GPC6: variants seen among roughly 807,000 people sequenced by gnomAD.
The protein encoded by GPC6 is glypican 6.
A neutral mutation model predicts 55.2 loss-of-function variants in GPC6; 14 were observed. The observed-to-expected ratio is 0.25, with a 90% confidence interval of 0.17 to 0.40. GPC6 has a LOEUF of 0.40. Among genes scored for constraint, GPC6 ranks in the 10% least tolerant of loss-of-function variants. The pLI is 1.00. For synonymous variants in GPC6, 278 were observed against 259.6 expected (o/e 1.07, Z -0.68); for missense variants, 641 against 708.5 (o/e 0.90, Z 1.08).
chr13:94,037,498 T>TA (rs1326992511), intron 4 of GPC6, among the ~76,000 whole-genome samples: 1 of 151,922 alleles, frequency 6.6e-6, no homozygotes, highest in African/African-American at 2.4e-5. Context: ...ATTATATAAA[T>TA]AAAAAAATAC....
chr13:93,555,589 T>G (rs1347432299), intron 2 of GPC6, among the ~76,000 whole-genome samples: 2 of 152,196 alleles, frequency 1.3e-5, no homozygotes, highest in Admixed American at 1.3e-4. Context: ...TCCAGTGGAT[T>G]TAATGGAACT....
At chr13:94,019,128 A>C (rs535748122) in intron 3 of GPC6, among the ~76,000 whole-genome samples, 1 of 152,234 alleles carries the variant, frequency 6.6e-6, no homozygotes, top group African/African-American at 2.4e-5. Flanking sequence ...AGAGTTTAAG[A>C]AGGATTTTTC....
chr13:93,886,663 C>T (rs996435102), intron 3 of GPC6, among the ~76,000 whole-genome samples: 1 of 151,650 alleles, frequency 6.6e-6, no homozygotes, highest in African/African-American at 2.4e-5. Flanking sequence ...ATGTGACTTT[C>T]GGCCTCTTTT....
At chr13:93,729,481 C>A (rs1317719105) in intron 2 of GPC6, among the ~76,000 whole-genome samples, 1 of 152,086 alleles carries the variant, frequency 6.6e-6, no homozygotes. Flanking sequence ...TCAATGAAAA[C>A]CTCAGTAATT....
At chr13:94,077,767 C>A (rs1399182645) in intron 4 of GPC6, among the ~76,000 whole-genome samples, 1 of 151,618 alleles carries the variant, frequency 6.6e-6, no homozygotes, top group Non-Finnish European at 1.5e-5. Flanking sequence ...TGTAGTATTT[C>A]ATATTTATTG....
chr13:93,301,844 C>T (rs551894724), intron 1 of GPC6, among the ~76,000 whole-genome samples: 2 of 152,048 alleles, frequency 1.3e-5, no homozygotes, highest in African/African-American at 4.8e-5. Flanking sequence ...AACTGGGTTC[C>T]CTTGATGTCT....
chr13:93,397,967 G>A (rs1875924538), intron 1 of GPC6, among the ~76,000 whole-genome samples: 1 of 152,136 alleles, frequency 6.6e-6, no homozygotes, highest in Non-Finnish European at 1.5e-5. Context: ...ATGAAACTAA[G>A]CATTTTTAAT....
chr13:94,396,545 C>G (rs1012247758), intron 7 of GPC6, among the ~76,000 whole-genome samples: 1 of 152,234 alleles, frequency 6.6e-6, no homozygotes, highest in Non-Finnish European at 1.5e-5. Flanking sequence ...CCCAACCAAA[C>G]CTGGCCCCCT....
At chr13:94,188,298 A>T (rs1889268874) in intron 4 of GPC6, among the ~76,000 whole-genome samples, 2 of 152,128 alleles carry the variant, frequency 1.3e-5, no homozygotes, top group Admixed American at 1.3e-4. Flanking sequence ...CCCCTTCTGC[A>T]CCTCTTCCCA....
chr13:93,996,768 G>A (rs17195862), intron 3 of GPC6, among the ~76,000 whole-genome samples: 42,043 of 151,988 alleles, frequency 0.28, 6,828 homozygotes, highest in South Asian at 0.38. Flanking sequence ...GTATGCTTTT[G>A]CTCTTGAAAT....
At chr13:93,243,612 G>C (rs908424266) in intron 1 of GPC6, among the ~76,000 whole-genome samples, 9 of 152,244 alleles carry the variant, frequency 5.9e-5, no homozygotes, top group African/African-American at 2.2e-4. Flanking sequence ...GGGCTCTGTA[G>C]GTCTGTCTTG....
chr13:93,561,779 A>G (rs1250468452), intron 2 of GPC6, among the ~76,000 whole-genome samples: 1 of 152,136 alleles, frequency 6.6e-6, no homozygotes, highest in East Asian at 1.9e-4. Flanking sequence ...TATCCATTCT[A>G]CCGACAGAGA....
intron 3 of GPC6, among the ~76,000 whole-genome samples, chr13:93,911,052 T>C (rs1443673812): frequency 6.6e-6 from 1 of 152,200 alleles, no homozygotes; most frequent in Non-Finnish European, 1.5e-5. Context: ...ATAGAGAGTG[T>C]GAAGATGCTC....
chr13:93,237,932 T>C (rs1876293469), intron 1 of GPC6, among the ~76,000 whole-genome samples: 2 of 152,186 alleles, frequency 1.3e-5, no homozygotes, highest in Admixed American at 6.5e-5. Flanking sequence ...TATGTGTCTA[T>C]TTTTACACTA....
upstream of GPC6, among the ~76,000 whole-genome samples, chr13:93,225,908 G>A (rs1875762364): frequency 6.6e-6 from 1 of 152,104 alleles, no homozygotes; most frequent in Non-Finnish European, 1.5e-5. Flanking sequence ...TTTTGTCTTG[G>A]TTTTCATTAA....
At chr13:93,391,199 T>C (rs1236582624) in intron 1 of GPC6, among the ~76,000 whole-genome samples, 1 of 152,102 alleles carries the variant, frequency 6.6e-6, no homozygotes, top group African/African-American at 2.4e-5. Flanking sequence ...TTTAGAGCCA[T>C]AGGGAATATG....
intron 2 of GPC6, among the ~76,000 whole-genome samples, chr13:93,609,664 C>T (rs1878386661): frequency 6.6e-6 from 1 of 152,168 alleles, no homozygotes; most frequent in Admixed American, 6.5e-5. Flanking sequence ...CTTGTGTCCC[C>T]ACCCTGCTTA....
intron 1 of GPC6, among the ~76,000 whole-genome samples, chr13:93,532,148 A>G (rs1343791862): frequency 1.3e-5 from 2 of 152,236 alleles, no homozygotes; most frequent in African/African-American, 4.8e-5. Flanking sequence ...TTTGCATAAT[A>G]GAATCAAAAT....
chr13:94,133,288 A>AAAAAAAAAAAC (rs1566447239), intron 4 of GPC6, among the ~76,000 whole-genome samples: 2 of 127,440 alleles, frequency 1.6e-5, no homozygotes, highest in African/African-American at 5.8e-5. Flanking sequence ...AAAAAAAAAA[A>AAAAAAAAAAAC]AAAACCTTAA....
Sources: gnomAD v4.1 joint callset for allele counts (sites outside exome capture counted in the v4.1 genomes callset) on GRCh38, gnomAD v4.1.1 for gene constraint, MANE v1.5 for transcripts, NCBI Gene and HGNC (gene_info 2026-07-23, HGNC 2026-07-21) for gene names.